The following BEND6 variants were observed in gnomAD, a reference collection of about 807,000 sequenced individuals.
BEND6 encodes the protein BEN domain-containing protein 6.
In BEND6, 24 loss-of-function variants were observed where a neutral mutation model predicts 31.8. That is an observed-to-expected ratio of 0.75 (90% CI 0.55 to 1.06). The LOEUF (loss-of-function observed/expected upper bound fraction) is 1.06, where lower values mean the gene tolerates loss of function less well. Ranked by LOEUF, BEND6 falls within the 50% of genes least tolerant of loss-of-function variation. BEND6 has a pLI of 0.00. For synonymous variants in BEND6, 109 were observed against 114.6 expected, an observed-to-expected ratio of 0.95 and a Z score of 0.31; for missense variants, 294 against 327.4, an observed-to-expected ratio of 0.90 and a Z score of 0.79.
chr6:56,957,595 G>C (rs1461699339), intron 1 of BEND6, among the ~76,000 whole-genome samples: 1 of 152,128 alleles, frequency 6.6e-6, no homozygotes, highest in Non-Finnish European at 1.5e-5. Context: ...TTTAAAAAAA[G>C]AATAATTGAC....
intron 2 of BEND6, among the ~76,000 whole-genome samples, chr6:56,982,227 T>C (rs1826097566): frequency 6.6e-6 from 1 of 152,202 alleles, no homozygotes; most frequent in Non-Finnish European, 1.5e-5. Flanking sequence ...TCTTATGTTC[T>C]CTTTTTAATG....
chr6:57,004,520 A>G, intron 3 of BEND6: 2 of 724,154 alleles, frequency 2.8e-6, no homozygotes, highest in Non-Finnish European at 5.0e-6. Flanking sequence ...CCGTGTAGCC[A>G]CCGCCACCGC....
intron 2 of BEND6, among the ~76,000 whole-genome samples, chr6:56,983,949 T>A (rs559103753): frequency 6.6e-6 from 1 of 152,308 alleles, no homozygotes; most frequent in South Asian, 2.1e-4. Flanking sequence ...CCAGATGCAG[T>A]GGCTTACACC....
intron 2 of BEND6, among the ~76,000 whole-genome samples, chr6:56,985,877 T>C (rs1305952981): frequency 6.6e-6 from 1 of 152,204 alleles, no homozygotes; most frequent in African/African-American, 2.4e-5. Flanking sequence ...TCTCTTATGG[T>C]TTGAGATATT....
chr6:57,011,791 T>C (rs1030651488), intron 3 of BEND6, among the ~76,000 whole-genome samples: 6 of 136,626 alleles, frequency 4.4e-5, no homozygotes, highest in East Asian at 4.5e-4. Flanking sequence ...AAAAGAAACA[T>C]TGGAAGCAAC....
chr6:56,976,799 A>C (rs1232718697), intron 1 of BEND6, among the ~76,000 whole-genome samples: 1 of 151,160 alleles, frequency 6.6e-6, no homozygotes, highest in East Asian at 2.0e-4. Context: ...TACTGGCCTT[A>C]AGTGATCCGC....
intron 1 of BEND6, among the ~76,000 whole-genome samples, chr6:56,977,583 A>T: frequency 6.6e-6 from 1 of 152,226 alleles, no homozygotes; most frequent in East Asian, 1.9e-4. Flanking sequence ...CTTTGCAGAA[A>T]ATAGTTGAAC....
intron 2 of BEND6, among the ~76,000 whole-genome samples, chr6:56,985,831 G>C (rs1182214114): frequency 6.6e-6 from 1 of 152,082 alleles, no homozygotes; most frequent in African/African-American, 2.4e-5. Context: ...AATTCTTATT[G>C]ATTTGCACTA....
At chr6:56,959,294 T>C (rs917312916) in intron 1 of BEND6, among the ~76,000 whole-genome samples, 1 of 152,216 alleles carries the variant, frequency 6.6e-6, no homozygotes, top group African/African-American at 2.4e-5. Flanking sequence ...GTACTCAGAC[T>C]TGAAAAATGA....
At chr6:56,962,117 T>G (rs1355338768) in intron 1 of BEND6, among the ~76,000 whole-genome samples, 1 of 152,128 alleles carries the variant, frequency 6.6e-6, no homozygotes, top group African/African-American at 2.4e-5. Flanking sequence ...GCCTCCTCTC[T>G]CTCTTTCTCT....
intron 1 of BEND6, among the ~76,000 whole-genome samples, chr6:56,980,784 G>T (rs960636584): frequency 6.6e-6 from 1 of 152,100 alleles, no homozygotes; most frequent in Non-Finnish European, 1.5e-5. Flanking sequence ...GTTACTTTCT[G>T]TTCAACAGTC....
At chr6:57,003,512 G>GCAACAA (rs371966915) in intron 3 of BEND6, among the ~76,000 whole-genome samples, 99 of 146,636 alleles carry the variant, frequency 6.8e-4, no homozygotes, top group African/African-American at 1.8e-3. Flanking sequence ...AAAACAAACA[G>GCAACAA]CAACAACAAC....
In BEND6 at chr6:56,988,316, G is replaced by A. The variant is rs145352084; in HGVS notation, c.121-4062G>A. Among the ~76,000 whole-genome samples, 430 of 152,006 alleles carry A rather than the reference G, an allele frequency of 2.8e-3. 3 individuals are homozygous for A. In the East Asian group the frequency reaches 0.037, roughly 13 times the overall value. ...CAGGCGTGAGCCACCACGCCCAGCC[G>A]TGAGTGCTTTTTTTCAACTGAATCT... On this transcript the variant is annotated intron_variant, in intron 2 of 6. Transcript: ENST00000370746.
rs572561107 is a variant in BEND6 at position 56,965,705 on chromosome 6, C to T, written c.-101+10245C>T. 1.5e-4 allele frequency among the ~76,000 whole-genome samples: 20 copies of T among 133,468 alleles called. No homozygotes were observed. In the East Asian group the frequency reaches 3.5e-3, roughly 24 times the overall value. The allele number at this position is 133,468 out of a possible 152,430, so 87.6% of individuals were successfully genotyped here. On this transcript the variant is annotated intron_variant, in intron 1 of 6. Coordinates refer to ENST00000370746, the MANE Select transcript of BEND6 (RefSeq NM_152731.3). Reference sequence around the variant, plus strand: ...ATATATATATATATATATATATATGCGATATTAACATAGTGTATAATGGGA... The same window carrying T: ...ATATATATATATATATATATATATGTGATATTAACATAGTGTATAATGGGA...
chr6:56,972,831 C>T (rs1270610128), intron 1 of BEND6, among the ~76,000 whole-genome samples: 2 of 152,154 alleles, frequency 1.3e-5, no homozygotes, highest in East Asian at 3.8e-4. Flanking sequence ...CAAGAACAGG[C>T]CCAGCAAGGT....
chr6:57,006,721 A>G (rs1326196094), intron 3 of BEND6, among the ~76,000 whole-genome samples: 1 of 152,246 alleles, frequency 6.6e-6, no homozygotes, highest in Non-Finnish European at 1.5e-5. Flanking sequence ...CATTTTTCAC[A>G]GAAATAGAAA....
rs560830648 is a variant in BEND6 at position 57,024,587 on chromosome 6, T to A, written c.*10-1495T>A. ...TTGAGAAGTCTATTGCCAGGTGAAT[T>A]TGAATTCCTTTATATGTTAGTTGCT... is the stretch of plus-strand genomic sequence containing the variant. On this transcript the variant is annotated intron_variant, in intron 6 of 6. Transcript: ENST00000370746. Among the ~76,000 whole-genome samples, 7 of 152,312 alleles carry A rather than the reference T, an allele frequency of 4.6e-5. No individual in the cohort carries two copies. The East Asian group carries it at 1.3e-3, about 29-fold the overall frequency.
chr6:56,977,487 A>G (rs1250960035), intron 1 of BEND6, among the ~76,000 whole-genome samples: 1 of 152,238 alleles, frequency 6.6e-6, no homozygotes, highest in Non-Finnish European at 1.5e-5. Context: ...TAGAGCAGAA[A>G]AATAATTAGA....
intron 2 of BEND6, among the ~76,000 whole-genome samples, chr6:56,989,532 A>C (rs559711717): frequency 6.6e-6 from 1 of 152,352 alleles, no homozygotes; most frequent in South Asian, 2.1e-4. Flanking sequence ...AGATAATGTC[A>C]AATGCTTTCC....
Sources: gnomAD v4.1 joint callset for allele counts (sites outside exome capture counted in the v4.1 genomes callset) on GRCh38, gnomAD v4.1.1 for gene constraint, MANE v1.5 for transcripts, NCBI Gene and HGNC (gene_info 2026-07-23, HGNC 2026-07-21) for gene names.